CHIC1: variants seen among roughly 807,000 people sequenced by gnomAD.
CHIC1 encodes the protein cysteine rich hydrophobic domain 1.
CHIC1 carries 7 observed loss-of-function variants against 18.5 expected under a neutral mutation model. That is an observed-to-expected ratio of 0.38 (90% CI 0.22 to 0.71). The LOEUF (loss-of-function observed/expected upper bound fraction) is 0.71, where lower values mean the gene tolerates loss of function less well. Among genes scored for constraint, CHIC1 ranks in the 30% least tolerant of loss-of-function variants. The pLI is 0.49. For missense variants in CHIC1, 159 were observed against 176.9 expected, an observed-to-expected ratio of 0.90 and a Z score of 0.57; for synonymous variants, 77 against 73.5, an observed-to-expected ratio of 1.05 and a Z score of -0.25.
chrX:73,575,837 T>C (rs1367282669), intron 1 of CHIC1, among the ~76,000 whole-genome samples: 3 of 110,658 alleles, frequency 2.7e-5, no homozygotes, highest in Non-Finnish European at 5.8e-5. Flanking sequence ...CTGAGCTTAC[T>C]GTAACTTTTT....
rs1312248337 is a variant in CHIC1, at chrX:73,673,224, G to A, written c.508-6102G>A. Among the ~76,000 whole-genome samples, 100 of 111,435 alleles carry A rather than the reference G, an allele frequency of 9.0e-4. 1 individual carries two copies. The highest frequency in any genetic ancestry group is 2.8e-3 in the African/African-American group (87 of 30,638). On this transcript the variant is annotated intron_variant, in intron 3 of 5. Coordinates refer to ENST00000373502, the MANE Select transcript of CHIC1 (RefSeq NM_001039840.4). The stretch of plus-strand genomic sequence containing the variant: ...TCTTTTGGCTTAGGATTGACTTGGC[G>A]ATGCGGGCTCTTTTTTGGTTCCATA...
intron 3 of CHIC1, among the ~76,000 whole-genome samples, chrX:73,617,526 C>G (rs751885182): frequency 9.0e-6 from 1 of 111,670 alleles, no homozygotes; most frequent in African/African-American, 3.3e-5. Flanking sequence ...ATACCTGAGA[C>G]TGGATAATGT....
rs1054442636 is a variant in CHIC1, at chrX:73,622,578, CTCT to C, written c.507+38011_507+38013del. ...TTTATTGTGTGTATTTTATTTTTCA[CTCT>C]TCTTTATTGTTCTGGCTAGCAGTCT... On this transcript the variant is annotated intron_variant, in intron 3 of 5. Coordinates refer to ENST00000373502, the MANE Select transcript of CHIC1 (RefSeq NM_001039840.4). Among the ~76,000 whole-genome samples the C allele has an allele frequency of 2.4e-4, 26 of 109,562 alleles. No individual in the cohort carries two copies. In the Admixed American group the frequency reaches 2.4e-3, roughly 10 times the overall value.
At chrX:73,657,530 G>C (rs1191624606) in intron 3 of CHIC1, among the ~76,000 whole-genome samples, 1 of 111,765 alleles carries the variant, frequency 8.9e-6, no homozygotes, top group African/African-American at 3.3e-5. Flanking sequence ...TGAGACATTG[G>C]GATGTTCTAG....
At chrX:73,590,358 G>A (rs941731166) in intron 3 of CHIC1, among the ~76,000 whole-genome samples, 7 of 110,612 alleles carry the variant, frequency 6.3e-5, no homozygotes, top group Non-Finnish European at 3.8e-5. Context: ...TGAGCAAAAA[G>A]CACAGATTCC....
intron 3 of CHIC1, among the ~76,000 whole-genome samples, chrX:73,636,532 G>T (rs1259598272): frequency 9.0e-6 from 1 of 111,536 alleles, no homozygotes; most frequent in Non-Finnish European, 1.9e-5. Context: ...AATATGGTAA[G>T]TAAAAACTTA....
At chrX:73,610,658 T>G (rs1435301550) in intron 3 of CHIC1, among the ~76,000 whole-genome samples, 1 of 109,016 alleles carries the variant, frequency 9.2e-6, no homozygotes, top group African/African-American at 3.6e-5. Flanking sequence ...TTGGTGTTAG[T>G]TTTTATTTGA....
chrX:73,686,370 AATTT>A lies in CHIC1; in HGVS notation c.*5371_*5374del, dbSNP rs1197283655. ...TTCTGTTTTAGAATATCACTGGCCT[AATTT>A]ATTTAGGTGTGTACATGTTGCTCAT... On this transcript the variant is annotated 3_prime_UTR_variant, in exon 6 of 6. Transcript: ENST00000373502. The A allele has an allele frequency of 2.7e-5, 3 of 111,068 alleles. No individual in the cohort carries two copies. The highest frequency in any genetic ancestry group is 5.7e-5 in the Non-Finnish European group (3 of 52,805). 9.2% of individuals were successfully genotyped at this position (111,068 alleles called of 1,213,427 possible). A position where few individuals can be genotyped will look rare whatever the true frequency, so the allele number is the denominator to read the frequency against.
At chrX:73,673,385 G>C (rs182543086) in intron 3 of CHIC1, among the ~76,000 whole-genome samples, 2 of 111,868 alleles carry the variant, frequency 1.8e-5, no homozygotes, top group African/African-American at 6.5e-5. Context: ...CATGAGCATG[G>C]AATGTTCTTC....
At chrX:73,655,323 CACACTATAT>C (rs1410128092) in intron 3 of CHIC1, among the ~76,000 whole-genome samples, 1 of 103,133 alleles carries the variant, frequency 9.7e-6, no homozygotes, top group Non-Finnish European at 2.0e-5. Context: ...TATATACACA[CACACTATAT>C]ACACTATATA....
At chrX:73,586,834 A>G (rs947822864) in intron 3 of CHIC1, among the ~76,000 whole-genome samples, 1 of 112,122 alleles carries the variant, frequency 8.9e-6, no homozygotes, top group Non-Finnish European at 1.9e-5. Context: ...TAAACAGCCC[A>G]CTGAATTTTA....
intron 3 of CHIC1, among the ~76,000 whole-genome samples, chrX:73,657,880 G>GT (rs2057958556): frequency 9.0e-6 from 1 of 111,413 alleles, no homozygotes; most frequent in Non-Finnish European, 1.9e-5. Flanking sequence ...TAATTATGTA[G>GT]TTTTTTTCTT....
intron 3 of CHIC1, among the ~76,000 whole-genome samples, chrX:73,627,068 C>T (rs1344846528): frequency 1.0e-5 from 1 of 99,772 alleles, no homozygotes; most frequent in Non-Finnish European, 2.0e-5. Context: ...CCTTTTTGGT[C>T]TTGGGCAAGA....
intron 3 of CHIC1, among the ~76,000 whole-genome samples, chrX:73,668,031 C>A (rs1342011077): frequency 1.8e-5 from 2 of 111,685 alleles, no homozygotes; most frequent in South Asian, 3.8e-4. Flanking sequence ...TTACATAATT[C>A]CATATTTCTC....
chrX:73,627,517 A>G (rs190883122), intron 3 of CHIC1, among the ~76,000 whole-genome samples: 1 of 112,583 alleles, frequency 8.9e-6, no homozygotes, highest in Admixed American at 9.4e-5. Context: ...CACTGAAACC[A>G]TAAGACGCAG....
At chrX:73,680,394 A>C (rs1371248084) in intron 5 of CHIC1, among the ~76,000 whole-genome samples, 1 of 111,303 alleles carries the variant, frequency 9.0e-6, no homozygotes, top group African/African-American at 3.2e-5. Context: ...CAAGTCTAAA[A>C]TTCATTATAG....
chrX:73,568,116 A>G (rs1715565307), intron 1 of CHIC1, among the ~76,000 whole-genome samples: 1 of 111,593 alleles, frequency 9.0e-6, no homozygotes, highest in Non-Finnish European at 1.9e-5. Flanking sequence ...TAGTTGAATC[A>G]TGCTGTGGAG....
At chrX:73,599,255 G>A (rs1429410142) in intron 3 of CHIC1, among the ~76,000 whole-genome samples, 1 of 106,980 alleles carries the variant, frequency 9.3e-6, no homozygotes. Context: ...TGAGTAGGTT[G>A]CAAAAATTTT....
intron 3 of CHIC1, among the ~76,000 whole-genome samples, chrX:73,669,021 G>C (rs979622198): frequency 9.0e-6 from 1 of 111,728 alleles, no homozygotes; most frequent in East Asian, 2.9e-4. Context: ...GGGAGGGGTG[G>C]CCAGAAGTTC....
Sources: allele counts gnomAD v4.1 joint callset (sites outside exome capture counted in the v4.1 genomes callset), GRCh38; gene constraint gnomAD v4.1.1; transcripts MANE v1.5; gene names NCBI Gene and HGNC (gene_info 2026-07-23, HGNC 2026-07-21).